Variants in CCR3 observed in about 807,000 individuals in gnomAD.
The protein encoded by CCR3 is C-C motif chemokine receptor 3.
For synonymous variants in CCR3, 203 were observed against 179.2 expected, an observed-to-expected ratio of 1.13 and a Z score of -1.06; for missense variants, 419 against 437.5, an observed-to-expected ratio of 0.96 and a Z score of 0.38.
intron 2 of CCR3, among the ~76,000 whole-genome samples, chr3:46,233,662 C>A (rs1293049837): frequency 6.6e-6 from 1 of 152,082 alleles, no homozygotes; most frequent in Non-Finnish European, 1.5e-5. Context: ...GAGCTAAGAA[C>A]CCCAAAAGAA....
intron 2 of CCR3, among the ~76,000 whole-genome samples, chr3:46,220,921 G>C (rs1207017247): frequency 6.6e-6 from 1 of 152,126 alleles, no homozygotes; most frequent in Non-Finnish European, 1.5e-5. Flanking sequence ...TTAGGTGATG[G>C]GGGTACCAAA....
chr3:46,249,175 G>A (rs1183489282), intron 1 of CCR3, among the ~76,000 whole-genome samples: 1 of 152,100 alleles, frequency 6.6e-6, no homozygotes, highest in Non-Finnish European at 1.5e-5. Context: ...AATACAAGAA[G>A]AGGACGCAAA....
intron 2 of CCR3, among the ~76,000 whole-genome samples, chr3:46,222,580 A>G (rs1699849603): frequency 6.6e-6 from 1 of 152,094 alleles, no homozygotes. Context: ...AACTTCAGAC[A>G]TCATGCATGG....
chr3:46,225,454 A>C (rs1441731533), intron 2 of CCR3, among the ~76,000 whole-genome samples: 1 of 152,184 alleles, frequency 6.6e-6, no homozygotes, highest in Non-Finnish European at 1.5e-5. Flanking sequence ...GCTGGGTTGT[A>C]TTGTAAGCAC....
chr3:46,216,515 A>G (rs982953943), intron 2 of CCR3, among the ~76,000 whole-genome samples: 4 of 152,234 alleles, frequency 2.6e-5, no homozygotes, highest in Non-Finnish European at 2.9e-5. Flanking sequence ...TTCATCACAA[A>G]AAGATCATCA....
chr3:46,265,211 A>T lies in CCR3; in HGVS notation c.53A>T (p.Asp18Val), dbSNP rs767403282. The T allele has an allele frequency of 1.2e-6, 2 of 1,614,018 alleles. No homozygotes were observed. The highest frequency in any genetic ancestry group is 2.2e-5 in the East Asian group (1 of 44,868). Reference sequence around the variant, plus strand: ...ACCTTTGGTACCACATCCTACTATGATGACGTGGGCCTGCTCTGTGAAAAA... The same window carrying T: ...ACCTTTGGTACCACATCCTACTATGTTGACGTGGGCCTGCTCTGTGAAAAA... ...VETFGTTSYY[D>V]DVGLLCEKAD... Residue 18 changes from aspartate (D) to valine (V), a missense_variant, in exon 2 of 2, where the codon GAT becomes GTT. Coordinates refer to ENST00000395940, the MANE Select transcript of CCR3 (RefSeq NM_178329.3).
intron 2 of CCR3, among the ~76,000 whole-genome samples, chr3:46,216,406 T>C (rs890966110): frequency 6.6e-5 from 10 of 152,154 alleles, no homozygotes; most frequent in Admixed American, 1.3e-4. Context: ...CTAAAACTTA[T>C]CTGAAAACGT....
At chr3:46,230,439 A>G (rs991968142) in intron 2 of CCR3, among the ~76,000 whole-genome samples, 3 of 152,076 alleles carry the variant, frequency 2.0e-5, no homozygotes, top group Admixed American at 2.0e-4. Flanking sequence ...CTCATGCCAC[A>G]TCAACGGACC....
rs376560880 is a variant in CCR3 at position 46,247,516 on chromosome 3, G to A, written c.-12+4978G>A. ...TGTGTTTTTAAAAGACCTTTAGTCC[G>A]TTCTACTTTTCTTGAAGACAGAGGA... On this transcript the variant is annotated intron_variant, in intron 1 of 1. Coordinates refer to ENST00000395940, the MANE Select transcript of CCR3 (RefSeq NM_178329.3). Among the ~76,000 whole-genome samples the A allele has an allele frequency of 1.1e-4, 17 of 152,204 alleles. No homozygotes were observed. In the East Asian group the frequency reaches 1.5e-3, roughly 14 times the overall value.
At position 46,265,813 on chromosome 3, in the gene CCR3, T is replaced by C. The variant is rs201974679; in HGVS notation, c.655T>C (p.Tyr219His). The C allele has an allele frequency of 6.2e-7, 1 of 1,613,992 alleles. No homozygotes were observed. The highest frequency in any genetic ancestry group is 8.5e-7 in the Non-Finnish European group (1 of 1,179,978). ...VLPLLVMAICYTGIIKTLLRC... is the reference protein window; with the variant it reads ...VLPLLVMAICHTGIIKTLLRC... ...CCCTCTGCTCGTTATGGCCATCTGC[T>C]ACACAGGAATCATCAAAACGCTGCT... Residue 219 changes from tyrosine (Y) to histidine (H), a missense_variant, in exon 2 of 2, where the codon TAC (tyrosine) becomes CAC (histidine). Physicochemically the swap from Tyr to His is moderately conservative, Grantham distance 83. Coordinates refer to ENST00000395940, the MANE Select transcript of CCR3 (RefSeq NM_178329.3).
upstream of CCR3, among the ~76,000 whole-genome samples, chr3:46,242,132 T>TAAA (rs34767191): frequency 7.3e-3 from 1,029 of 141,902 alleles, 17 homozygotes; most frequent in African/African-American, 0.025. Context: ...AATCCTGTCT[T>TAAA]AAAAAAAAAA....
At chr3:46,262,268 A>G (rs989436455) in intron 1 of CCR3, among the ~76,000 whole-genome samples, 1 of 152,256 alleles carries the variant, frequency 6.6e-6, no homozygotes, top group Non-Finnish European at 1.5e-5. Flanking sequence ...TATCCAGCAG[A>G]TGAGAAGCTG....
chr3:46,222,174 A>G (rs1396772892), intron 2 of CCR3, among the ~76,000 whole-genome samples: 2 of 152,182 alleles, frequency 1.3e-5, no homozygotes, highest in Non-Finnish European at 2.9e-5. Flanking sequence ...AGGAAGCAGG[A>G]CCATGTATCA....
At chr3:46,252,397 T>C (rs897544859) in intron 1 of CCR3, among the ~76,000 whole-genome samples, 4 of 151,982 alleles carry the variant, frequency 2.6e-5, no homozygotes, top group African/African-American at 9.7e-5. Flanking sequence ...CAAGCTGGTC[T>C]TGAACTCCTG....
chr3:46,265,087 G>A, intron 1 of CCR3, 61 bp from the exon 2 acceptor site: 2 of 1,058,234 alleles, frequency 1.9e-6, no homozygotes, highest in Non-Finnish European at 2.8e-6. Flanking sequence ...ATCAACTGGT[G>A]TGTTTTACGA....
intron 2 of CCR3, among the ~76,000 whole-genome samples, chr3:46,219,506 A>G (rs533993800): frequency 5.9e-5 from 9 of 152,314 alleles, no homozygotes; most frequent in African/African-American, 2.2e-4. Context: ...ATGGAACCAA[A>G]AAAGAGCCCA....
At chr3:46,218,281 CT>C (rs749704216) in intron 2 of CCR3, among the ~76,000 whole-genome samples, 9 of 151,708 alleles carry the variant, frequency 5.9e-5, no homozygotes, top group Non-Finnish European at 1.3e-4. Context: ...GAAATAGAAA[CT>C]CTGAACAGAC....
At chr3:46,264,587 C>T (rs1269832450) in intron 1 of CCR3, 2 of 612,446 alleles carry the variant, frequency 3.3e-6, no homozygotes, top group Non-Finnish European at 5.6e-6. Flanking sequence ...GGATTTTGAA[C>T]AAATTACTAA....
At chr3:46,222,196 C>A (rs1204317692) in intron 2 of CCR3, among the ~76,000 whole-genome samples, 3 of 152,168 alleles carry the variant, frequency 2.0e-5, no homozygotes, top group Non-Finnish European at 4.4e-5. Flanking sequence ...GCCACACCAC[C>A]AATCCATATC....
Sources: allele counts gnomAD v4.1 joint callset (sites outside exome capture counted in the v4.1 genomes callset), GRCh38; gene constraint gnomAD v4.1.1; transcripts MANE v1.5; gene names NCBI Gene and HGNC (gene_info 2026-07-23, HGNC 2026-07-21).